ZP4: variants seen among roughly 807,000 people sequenced by gnomAD.
ZP4 encodes the protein zona pellucida sperm-binding protein 4.
A neutral mutation model predicts 62.3 loss-of-function variants in ZP4; 62 were observed. That is an observed-to-expected ratio of 0.99 (90% CI 0.81 to 1.23). ZP4 has a LOEUF of 1.23. ZP4 is among the 50% of genes most tolerant of loss of function. The pLI, the probability that ZP4 is intolerant of heterozygous loss-of-function variation, is 0.00. For synonymous variants in ZP4, 289 were observed against 247.3 expected (o/e 1.17, Z -1.58); for missense variants, 774 against 656.0 (o/e 1.18, Z -1.97).
In ZP4 at chr1:237,889,865, A is replaced by T; in HGVS notation, c.400+2T>A. 1 of 1,587,118 alleles carries T rather than the reference A, an allele frequency of 6.3e-7. No homozygotes were observed. The highest frequency in any genetic ancestry group is 8.6e-7 in the Non-Finnish European group (1 of 1,160,126). ...AAGACCCTGAGAGCTTCCAGCCTTT[A>T]CCTAGAAGATCCATAGGACACTTGA... On this transcript the variant is annotated splice_donor_variant, in intron 3 of 11. Transcript: ENST00000366570. LOFTEE classifies it high-confidence loss of function.
intron 10 of ZP4, among the ~76,000 whole-genome samples, chr1:237,884,083 A>C (rs1172504036): frequency 4.7e-5 from 7 of 149,986 alleles, no homozygotes; most frequent in African/African-American, 7.5e-5. Flanking sequence ...AACACACACA[A>C]ACACACACAA....
chr1:237,883,967 A>ACACAC (rs1665009572), intron 10 of ZP4, among the ~76,000 whole-genome samples: 9 of 86,548 alleles, frequency 1.0e-4, no homozygotes, highest in Non-Finnish European at 2.0e-4. Context: ...CACACACACA[A>ACACAC]ACACACACAC....
Position 237,890,168 on chromosome 1 carries a change from C to T in ZP4, c.184G>A (p.Gly62Arg). The T allele has an allele frequency of 6.2e-7, 1 of 1,613,900 alleles. No homozygotes were observed. ...PPVLIAWDNQGLLHELQNDSD... is the reference protein window; with the variant it reads ...PPVLIAWDNQRLLHELQNDSD... ...TCATTCTGCAGCTCGTGCAGCAGCC[C>T]TTGGTTGTCTGGAGGGGTGGGGAAG... The change falls in exon 2 of 12, where the codon GGG (glycine) becomes AGG (arginine). Residue 62 changes from glycine (G) to arginine (R), a missense_variant. Physicochemically the swap from Gly to Arg is moderately radical, Grantham distance 125. Transcript: ENST00000366570.
intron 5 of ZP4, among the ~76,000 whole-genome samples, chr1:237,887,075 A>C (rs745560087): frequency 6.6e-6 from 1 of 152,206 alleles, no homozygotes; most frequent in African/African-American, 2.4e-5. Context: ...GAATTTGAGC[A>C]CCTAGGAGAG....
In ZP4 at chr1:237,890,451, T is replaced by C; in HGVS notation, c.175+10A>G. ...TTGCTTGGCTAAGCAAGGCAAGTCA[T>C]CAAACTTACCCCAAGCTATTAGTAC... On this transcript the variant is annotated intron_variant, in intron 1 of 11. Transcript: ENST00000366570. 6.2e-7 allele frequency: 1 copy of C among 1,602,856 alleles called. No individual in the cohort carries two copies.
chr1:237,888,230 C>G (rs998124051), intron 4 of ZP4, 128 bp downstream of exon 4: 1 of 931,182 alleles, frequency 1.1e-6, no homozygotes, highest in Non-Finnish European at 1.5e-6. Flanking sequence ...ATCAAGTGTT[C>G]TTGGATGCAT....
chr1:237,887,676 C>T (rs1366768025), intron 4 of ZP4, 115 bp from the exon 5 acceptor site: 1 of 1,094,106 alleles, frequency 9.1e-7, no homozygotes, highest in East Asian at 2.5e-5. Context: ...GTGACAACTT[C>T]CCAGTGACAA....
chr1:237,883,190 AAAC>A (rs1664956060), intron 10 of ZP4, among the ~76,000 whole-genome samples: 1 of 152,194 alleles, frequency 6.6e-6, no homozygotes, highest in South Asian at 2.1e-4. Context: ...GATGCAGAGA[AAAC>A]AATTTAATGA....
Position 237,883,967 on chromosome 1 carries a change from A to AACACACAC in ZP4, c.1390+794_1390+801dup, listed in dbSNP as rs201363836. Among the ~76,000 whole-genome samples the AACACACAC allele has an allele frequency of 2.9e-3, 253 of 86,308 alleles. 5 individuals carry two copies. The highest frequency in any genetic ancestry group is 8.8e-3 in the African/African-American group (154 of 17,528). 56.6% of individuals were successfully genotyped at this position (86,308 alleles called of 152,430 possible). On this transcript the variant is annotated intron_variant, in intron 10 of 11. Transcript: ENST00000366570. ...AGAGCAAGAACTGGTCACACACACA[A>AACACACAC]ACACACACACACACAAACACACACA...
chr1:237,887,224 T>G, intron 5 of ZP4, 150 bp downstream of exon 5: 1 of 845,570 alleles, frequency 1.2e-6, no homozygotes, highest in South Asian at 1.7e-5. Context: ...TTTTCAGTGA[T>G]GAGGCATTCT....
At chr1:237,882,974 A>C in intron 10 of ZP4, 128 bp from the exon 11 acceptor site, 1 of 638,858 alleles carries the variant, frequency 1.6e-6, no homozygotes, top group Non-Finnish European at 2.6e-6. Context: ...AACCTCATTA[A>C]GTATATTAAT....
chr1:237,882,419 G>C lies in ZP4; in HGVS notation c.*3C>G. 1 of 1,610,116 alleles carries C rather than the reference G, an allele frequency of 6.2e-7. No homozygotes were observed. The highest frequency in any genetic ancestry group is 1.1e-5 in the South Asian group (1 of 90,252). ...CAGCACAGGCTGGGAATACACTCTGGTTTTATTGACACATTTGGTCTGGGC... is the reference window on the plus strand; with the variant it reads ...CAGCACAGGCTGGGAATACACTCTGCTTTTATTGACACATTTGGTCTGGGC... On this transcript the variant is annotated 3_prime_UTR_variant, in exon 12 of 12. Transcript: ENST00000366570.
At position 237,886,777 on chromosome 1, in the gene ZP4, A is replaced by T; in HGVS notation, c.833T>A (p.Ile278Asn). 6.2e-7 allele frequency: 1 copy of T among 1,613,842 alleles called. No individual in the cohort carries two copies. Among genetic ancestry groups the T allele is most frequent in the Non-Finnish European group, 8.5e-7 (1 of 1,179,842 alleles). ...ATTCTGGCCAAGCCCTTACCTGAAGATGCTGTCACGAGTGACAGAGCCACG... is the reference window on the plus strand; with the variant it reads ...ATTCTGGCCAAGCCCTTACCTGAAGTTGCTGTCACGAGTGACAGAGCCACG... The part of the protein sequence containing the change: ...GSRGSVTRDS[I>N]FRLHVSCSYS... Residue 278 changes from isoleucine to asparagine, a missense_variant, in exon 6 of 12, where the codon ATC (isoleucine) becomes AAC (asparagine). Transcript: ENST00000366570.
rs1238728995 is a variant in ZP4, at chr1:237,885,331, C to T, written c.1161-16G>A. ...GTAGGGGCAGCTAGACCAAGAGACC[C>T]AGCAGTCAGGATGGGCTTCTTTGAG... On this transcript the variant is annotated splice_polypyrimidine_tract_variant and intron_variant, in intron 8 of 11. Coordinates refer to ENST00000366570, the MANE Select transcript of ZP4 (RefSeq NM_021186.5). 6.2e-7 allele frequency: 1 copy of T among 1,613,178 alleles called. No individual in the cohort carries two copies. The highest frequency in any genetic ancestry group is 1.1e-5 in the South Asian group (1 of 90,986).
chr1:237,888,326 A>G (rs748451895), intron 4 of ZP4, 32 bp downstream of exon 4: 2 of 1,512,888 alleles, frequency 1.3e-6, no homozygotes, highest in East Asian at 2.4e-5. Flanking sequence ...ACACTTCCTC[A>G]GCTGGTTTCA....
rs369988390 is a variant in ZP4, at chr1:237,888,437, G to A, written c.474C>T (p.Pro158=). ...GCCCTTCACAGTCTCCTCGAGAGAT[G>A]GGTGAAGGTGCACATGGCAGTCTGT... The part of the protein sequence containing the change: ...ARDRLPCAPS[P]ISRGDCEGLG... Residue 158 remains proline, a synonymous_variant, in exon 4 of 12, where the codon CCC becomes CCT. Coordinates refer to ENST00000366570, the MANE Select transcript of ZP4 (RefSeq NM_021186.5). 1.4e-5 allele frequency: 23 copies of A among 1,612,264 alleles called. No homozygotes were observed. Among genetic ancestry groups the A allele is most frequent in the Non-Finnish European group, 1.8e-5 (21 of 1,178,946 alleles).
Position 237,885,480 on chromosome 1 carries a change from G to T in ZP4, c.1071C>A (p.Asp357Glu), listed in dbSNP as rs1296600012. The change falls in exon 8 of 12, where the codon GAC becomes GAA. Residue 357 changes from aspartate (D) to glutamate (E), a missense_variant. Transcript: ENST00000366570. Reference sequence around the variant, plus strand: ...GTTGTAGGAGCAGCCCCAGGTAGGGGTCTGTTCTGTGAAGGATGGAGACCT... The same window carrying T: ...GTTGTAGGAGCAGCCCCAGGTAGGGTTCTGTTCTGTGAAGGATGGAGACCT... ...YVEVSILHRTDPYLGLLLQQC... is the reference protein window; with the variant it reads ...YVEVSILHRTEPYLGLLLQQC... The T allele has an allele frequency of 1.9e-6, 3 of 1,614,062 alleles. No homozygotes were observed. Among genetic ancestry groups the T allele is most frequent in the Non-Finnish European group, 2.5e-6 (3 of 1,180,042 alleles).
At chr1:237,885,609 G>C in intron 7 of ZP4, 29 bp from the exon 8 acceptor site, 1 of 1,607,740 alleles carries the variant, frequency 6.2e-7, no homozygotes, top group Non-Finnish European at 8.5e-7. Context: ...AGGATTTGAA[G>C]TAGTAATCTC....
At chr1:237,889,079 G>C (rs1159209929) in intron 3 of ZP4, among the ~76,000 whole-genome samples, 1 of 152,136 alleles carries the variant, frequency 6.6e-6, no homozygotes, top group Non-Finnish European at 1.5e-5. Context: ...GTTTCCTTAG[G>C]GAAATGCTCA....
Sources: gnomAD v4.1 joint callset for allele counts (sites outside exome capture counted in the v4.1 genomes callset) on GRCh38, gnomAD v4.1.1 for gene constraint, MANE v1.5 for transcripts, NCBI Gene and HGNC (gene_info 2026-07-23, HGNC 2026-07-21) for gene names.